Variants in RPA3 observed in about 807,000 individuals in gnomAD.
RPA3 encodes the protein replication protein A 14 kDa subunit.
In RPA3, 24 loss-of-function variants were observed where a neutral mutation model predicts 13.7. The ratio of observed to expected loss-of-function variants is 1.75; its 90% CI spans 1.27 to 2.46. RPA3 has a LOEUF of 2.46. Ranked by LOEUF, RPA3 falls within the 30% of genes most tolerant of loss-of-function variation. The pLI is 0.00. For synonymous variants in RPA3, 59 were observed against 51.2 expected (o/e 1.15, Z -0.65); for missense variants, 183 against 151.0 (o/e 1.21, Z -1.11).
chr7:7,705,751 A>C (rs919588825), intron 2 of RPA3, among the ~76,000 whole-genome samples: 1 of 152,188 alleles, frequency 6.6e-6, no homozygotes. Context: ...AACTCATAGA[A>C]TATAAAATAA....
chr7:7,639,857 T>C (rs781051594), intron 5 of RPA3: 2 of 180,782 alleles, frequency 1.1e-5, no homozygotes, highest in Non-Finnish European at 2.3e-5. Flanking sequence ...TGGGGTTAAA[T>C]AACTCGTTAC....
chr7:7,660,850 C>G (rs1785457477), intron 4 of RPA3, among the ~76,000 whole-genome samples: 1 of 152,178 alleles, frequency 6.6e-6, no homozygotes, highest in Non-Finnish European at 1.5e-5. Flanking sequence ...GTTGGCCTGT[C>G]TTGCTAGGTT....
chr7:7,717,012 C>T (rs1216161368), intron 1 of RPA3, among the ~76,000 whole-genome samples: 4 of 151,930 alleles, frequency 2.6e-5, no homozygotes, highest in Non-Finnish European at 4.4e-5. Flanking sequence ...TTCCTCTGCA[C>T]GAGGGAGCTT....
intron 4 of RPA3, among the ~76,000 whole-genome samples, chr7:7,681,318 A>G (rs1487223739): frequency 6.6e-6 from 1 of 152,174 alleles, no homozygotes; most frequent in African/African-American, 2.4e-5. Flanking sequence ...ATTAGATGGC[A>G]TTGCAGAGTT....
chr7:7,674,519 A>G (rs551150614), intron 4 of RPA3, among the ~76,000 whole-genome samples: 4 of 152,332 alleles, frequency 2.6e-5, no homozygotes, highest in African/African-American at 7.2e-5. Flanking sequence ...GGACAGGAGC[A>G]GTAGCTGGGA....
intron 1 of RPA3, among the ~76,000 whole-genome samples, chr7:7,716,453 A>C (rs1173570814): frequency 6.6e-6 from 1 of 152,240 alleles, no homozygotes; most frequent in Non-Finnish European, 1.5e-5. Flanking sequence ...ATCGAGCTGC[A>C]GACATAGATA....
intron 2 of RPA3, among the ~76,000 whole-genome samples, chr7:7,706,277 T>C (rs1324166874): frequency 6.6e-6 from 1 of 152,120 alleles, no homozygotes; most frequent in Non-Finnish European, 1.5e-5. Flanking sequence ...AAATTATCTG[T>C]TGGTACAGAT....
chr7:7,689,316 C>G (rs944709769), intron 2 of RPA3: 3 of 152,166 alleles, frequency 2.0e-5, no homozygotes, highest in Non-Finnish European at 2.9e-5. Flanking sequence ...TTTTATCTAT[C>G]ATTGCCAACT....
intron 2 of RPA3, among the ~76,000 whole-genome samples, chr7:7,709,167 T>C (rs1780685558): frequency 6.6e-6 from 1 of 152,226 alleles, no homozygotes; most frequent in Non-Finnish European, 1.5e-5. Flanking sequence ...TTATTAGTTG[T>C]TTGAAATTGA....
At chr7:7,677,682 T>C (rs1183413454) in intron 4 of RPA3, among the ~76,000 whole-genome samples, 1 of 138,928 alleles carries the variant, frequency 7.2e-6, no homozygotes, top group Non-Finnish European at 1.6e-5. Context: ...TTTTTTTTTT[T>C]TTTTTTTTTG....
rs116555970 is a variant in RPA3, at chr7:7,691,084, C to T, written c.-1027-3756G>A. 4.9e-3 allele frequency among the ~76,000 whole-genome samples: 752 copies of T among 152,254 alleles called. 7 individuals are homozygous for T. Among genetic ancestry groups the T allele is most frequent in the African/African-American group, 0.017 (718 of 41,552 alleles). ...GTGCTCCATGTGACCCTTCCTGGAACTGAGCAGAAGTGTTATGCTGCCAAC... is the reference window on the plus strand; with the variant it reads ...GTGCTCCATGTGACCCTTCCTGGAATTGAGCAGAAGTGTTATGCTGCCAAC... On this transcript the variant is annotated intron_variant, in intron 2 of 7. Transcript: ENST00000223129.
At chr7:7,677,742 C>A (rs1218786670) in intron 4 of RPA3, among the ~76,000 whole-genome samples, 1 of 135,876 alleles carries the variant, frequency 7.4e-6, no homozygotes, top group East Asian at 2.1e-4. Flanking sequence ...GGCGGGATCT[C>A]GGCTCACTGC....
intron 4 of RPA3, among the ~76,000 whole-genome samples, chr7:7,671,221 A>G (rs1036536625): frequency 6.6e-6 from 1 of 152,222 alleles, no homozygotes; most frequent in Non-Finnish European, 1.5e-5. Flanking sequence ...GTCAATAGCC[A>G]GACCTAAAAT....
chr7:7,638,884 T>C (rs948504119), intron 6 of RPA3, 186 bp downstream of exon 6: 7 of 411,624 alleles, frequency 1.7e-5, no homozygotes, highest in Middle Eastern at 5.6e-4. Context: ...CAAAAAATCA[T>C]TGGTTAAAAA....
chr7:7,652,052 CT>C (rs1161981984), intron 4 of RPA3, among the ~76,000 whole-genome samples: 1 of 152,144 alleles, frequency 6.6e-6, no homozygotes, highest in Non-Finnish European at 1.5e-5. Flanking sequence ...AAATCTAGTC[CT>C]GTAAGACTTT....
intron 4 of RPA3, among the ~76,000 whole-genome samples, chr7:7,645,598 T>G (rs1049693246): frequency 4.6e-5 from 7 of 152,232 alleles, no homozygotes; most frequent in African/African-American, 1.2e-4. Flanking sequence ...TTTCTGTTTA[T>G]TAGATTAAGG....
At chr7:7,709,252 CT>C (rs1185419129) in intron 2 of RPA3, among the ~76,000 whole-genome samples, 1 of 152,074 alleles carries the variant, frequency 6.6e-6, no homozygotes, top group Non-Finnish European at 1.5e-5. Context: ...CATGGGGTTA[CT>C]TTTAATATGG....
At chr7:7,664,337 C>T (rs1779382185) in intron 4 of RPA3, among the ~76,000 whole-genome samples, 1 of 151,986 alleles carries the variant, frequency 6.6e-6, no homozygotes, top group African/African-American at 2.4e-5. Flanking sequence ...TGGCTCCAGG[C>T]TCTTCTCAGT....
At chr7:7,683,366 G>C (rs1779959717) in intron 4 of RPA3, among the ~76,000 whole-genome samples, 1 of 152,132 alleles carries the variant, frequency 6.6e-6, no homozygotes, top group Non-Finnish European at 1.5e-5. Context: ...GATGATTCTA[G>C]AGTTCATGCA....
Sources: gnomAD v4.1 joint callset for allele counts (sites outside exome capture counted in the v4.1 genomes callset) on GRCh38, gnomAD v4.1.1 for gene constraint, MANE v1.5 for transcripts, NCBI Gene and HGNC (gene_info 2026-07-23, HGNC 2026-07-21) for gene names.